The following PACRG variants were observed in gnomAD, a reference collection of about 807,000 sequenced individuals.
PACRG encodes the protein parkin coregulated gene protein.
PACRG carries 29 observed loss-of-function variants against 29.7 expected under a neutral mutation model. That is an observed-to-expected ratio of 0.98 (90% CI 0.73 to 1.33). The LOEUF (loss-of-function observed/expected upper bound fraction) is 1.33, where lower values mean the gene tolerates loss of function less well. Ranked by LOEUF, PACRG falls within the 40% of genes most tolerant of loss-of-function variation. The pLI is 0.00. For missense variants in PACRG, 279 were observed against 316.2 expected (o/e 0.88, Z 0.89); for synonymous variants, 116 against 118.7 (o/e 0.98, Z 0.15).
At chr6:163,066,937 A>G (rs1016920557) in intron 3 of PACRG, among the ~76,000 whole-genome samples, 2 of 152,228 alleles carry the variant, frequency 1.3e-5, no homozygotes, top group Non-Finnish European at 2.9e-5. Context: ...CACAACAAAA[A>G]TTTAATAGTC....
chr6:163,049,204 C>G (rs1327007856), intron 2 of PACRG, among the ~76,000 whole-genome samples: 1 of 151,898 alleles, frequency 6.6e-6, no homozygotes, highest in Non-Finnish European at 1.5e-5. Context: ...AATAGAAAGT[C>G]AAGAAATAGA....
intron 4 of PACRG, among the ~76,000 whole-genome samples, chr6:163,109,718 A>G (rs1182926824): frequency 6.6e-6 from 1 of 152,172 alleles, no homozygotes; most frequent in Non-Finnish European, 1.5e-5. Flanking sequence ...AGAAACAGAA[A>G]ACCTGCCAAT....
At chr6:162,932,933 A>G (rs1797958541) in intron 2 of PACRG, among the ~76,000 whole-genome samples, 1 of 151,348 alleles carries the variant, frequency 6.6e-6, no homozygotes, top group Non-Finnish European at 1.5e-5. Context: ...TTGCTTTTCT[A>G]ATTCTCTGAG....
At chr6:162,913,327 G>A (rs1584740423) in intron 2 of PACRG, among the ~76,000 whole-genome samples, 2 of 152,286 alleles carry the variant, frequency 1.3e-5, no homozygotes, top group Admixed American at 6.5e-5. Flanking sequence ...TGTGGGGGAC[G>A]TATGTGGCTG....
At chr6:163,179,131 T>C in intron 4 of PACRG, 2 of 445,552 alleles carry the variant, frequency 4.5e-6, no homozygotes, top group South Asian at 1.6e-5. Context: ...TTTTTGGGCA[T>C]GGACCGTGGT....
intron 4 of PACRG, among the ~76,000 whole-genome samples, chr6:163,199,436 T>C (rs74583778): frequency 0.016 from 2,415 of 152,274 alleles, 71 homozygotes; most frequent in African/African-American, 0.055. Context: ...ATTCATTCCT[T>C]CAAGGCTCAT....
chr6:162,733,044 G>A (rs569156994), intron 1 of PACRG, among the ~76,000 whole-genome samples: 5 of 152,206 alleles, frequency 3.3e-5, no homozygotes, highest in African/African-American at 1.2e-4. Flanking sequence ...CTACATATCT[G>A]CATATACAAA....
intron 2 of PACRG, among the ~76,000 whole-genome samples, chr6:162,858,351 T>A (rs1791578185): frequency 6.6e-6 from 1 of 152,142 alleles, no homozygotes; most frequent in Non-Finnish European, 1.5e-5. Context: ...ACTCACTCGC[T>A]ATTATGAGAA....
chr6:162,739,417 A>T (rs565430583), intron 1 of PACRG, among the ~76,000 whole-genome samples: 2 of 152,116 alleles, frequency 1.3e-5, no homozygotes, highest in Non-Finnish European at 2.9e-5. Flanking sequence ...TGGATATGGT[A>T]TGTACATATT....
At chr6:162,730,063 C>CTCTCTCT (rs1554267985) in intron 1 of PACRG, among the ~76,000 whole-genome samples, 1 of 145,930 alleles carries the variant, frequency 6.9e-6, no homozygotes. Context: ...AACTGTCTCT[C>CTCTCTCT]TTTTTTTTTT....
intron 4 of PACRG, among the ~76,000 whole-genome samples, chr6:163,245,816 T>C (rs6916395): frequency 0.38 from 57,249 of 152,054 alleles, 11,559 homozygotes; most frequent in African/African-American, 0.5. Flanking sequence ...TTTCTGCCCC[T>C]ACTCAGGTCT....
chr6:162,820,423 T>A (rs1360155069), intron 2 of PACRG, among the ~76,000 whole-genome samples: 1 of 152,228 alleles, frequency 6.6e-6, no homozygotes, highest in African/African-American at 2.4e-5. Flanking sequence ...AGTTATTGCA[T>A]ATAATTATTA....
intron 3 of PACRG, among the ~76,000 whole-genome samples, chr6:163,070,909 A>C (rs1418733843): frequency 6.6e-6 from 1 of 152,124 alleles, no homozygotes; most frequent in Admixed American, 6.5e-5. Flanking sequence ...TGCTATACTT[A>C]TATCAGACAA....
chr6:163,314,720 T>G, intron 4 of PACRG, 107 bp from the exon 5 acceptor site: 2 of 1,236,258 alleles, frequency 1.6e-6, no homozygotes, highest in Non-Finnish European at 2.2e-6. Context: ...AAATCTTGCA[T>G]GTTTGTGTCT....
At chr6:162,900,699 C>T (rs1171628481) in intron 2 of PACRG, among the ~76,000 whole-genome samples, 1 of 152,182 alleles carries the variant, frequency 6.6e-6, no homozygotes, top group African/African-American at 2.4e-5. Flanking sequence ...CCCGCCATCC[C>T]CCAAGCGTGC....
intron 4 of PACRG, among the ~76,000 whole-genome samples, chr6:163,236,485 G>A (rs1346351457): frequency 6.6e-6 from 1 of 152,190 alleles, no homozygotes; most frequent in Non-Finnish European, 1.5e-5. Context: ...TCTACTGACT[G>A]GTTGAAGATT....
intron 4 of PACRG, among the ~76,000 whole-genome samples, chr6:163,237,041 T>C (rs1266404246): frequency 1.3e-5 from 2 of 152,140 alleles, no homozygotes; most frequent in Admixed American, 1.3e-4. Context: ...TAGGCCCCTT[T>C]CCCAACATTG....
chr6:162,806,718 T>C (rs1346941598), intron 1 of PACRG, among the ~76,000 whole-genome samples: 1 of 152,184 alleles, frequency 6.6e-6, no homozygotes, highest in Non-Finnish European at 1.5e-5. Flanking sequence ...AGCATAGATT[T>C]TGCCTCATTA....
chr6:163,266,610 T>C (rs531279543), intron 4 of PACRG, among the ~76,000 whole-genome samples: 4 of 152,332 alleles, frequency 2.6e-5, no homozygotes, highest in Non-Finnish European at 4.4e-5. Flanking sequence ...CCTGATTTTT[T>C]TGCTCACATT....
Sources: allele counts gnomAD v4.1 joint callset (sites outside exome capture counted in the v4.1 genomes callset), GRCh38; gene constraint gnomAD v4.1.1; transcripts MANE v1.5; gene names NCBI Gene and HGNC (gene_info 2026-07-23, HGNC 2026-07-21).